Variants in ZC3H6 observed in about 807,000 individuals in gnomAD.
ZC3H6 encodes zinc finger CCCH domain-containing protein 6.
Under a neutral mutation model 107.7 loss-of-function variants are expected in ZC3H6, and 40 were observed. The ratio of observed to expected loss-of-function variants is 0.37; its 90% CI spans 0.29 to 0.48. ZC3H6 has a LOEUF of 0.48. ZC3H6 is among the 20% of genes least tolerant of loss of function. The pLI, the probability that ZC3H6 is intolerant of heterozygous loss-of-function variation, is 0.98. For missense variants in ZC3H6, 1,267 were observed against 1,410.4 expected (o/e 0.90, Z 1.63); for synonymous variants, 493 against 487.9 (o/e 1.01, Z -0.14).
intron 1 of ZC3H6, among the ~76,000 whole-genome samples, chr2:112,299,424 A>G (rs1242737472): frequency 6.6e-6 from 1 of 152,196 alleles, no homozygotes; most frequent in Non-Finnish European, 1.5e-5. Flanking sequence ...TCTATGAGCC[A>G]CTAAGTTAAA....
At chr2:112,307,130 T>C (rs1676491278) in intron 3 of ZC3H6, among the ~76,000 whole-genome samples, 1 of 152,208 alleles carries the variant, frequency 6.6e-6, no homozygotes, top group African/African-American at 2.4e-5. Context: ...ATTTCTTCCA[T>C]ATATATATTT....
At chr2:112,301,661 C>T (rs530225607) in intron 2 of ZC3H6, among the ~76,000 whole-genome samples, 1 of 152,030 alleles carries the variant, frequency 6.6e-6, no homozygotes, top group Non-Finnish European at 1.5e-5. Flanking sequence ...AAAAATTTAA[C>T]CTAATATTTT....
At position 112,338,889 on chromosome 2, in the gene ZC3H6, ATATATATATATATATATATAT is replaced by A. The variant is rs1677190610; in HGVS notation, c.*6402_*6422del. ...TATATATATATATATATATATATAT[ATATATATATATATATATATAT>A]ATAATTTTTTTTTTTTGAGACGGAG... is the stretch of plus-strand genomic sequence containing the variant. On this transcript the variant is annotated 3_prime_UTR_variant, in exon 12 of 12. Transcript: ENST00000409871. 5.0e-5 allele frequency: 1 copy of A among 20,132 alleles called. No individual in the cohort carries two copies. The highest frequency in any genetic ancestry group is 7.4e-5 in the Non-Finnish European group (1 of 13,564). 1.2% of individuals were successfully genotyped at this position (20,132 alleles called of 1,614,324 possible).
intron 1 of ZC3H6, among the ~76,000 whole-genome samples, chr2:112,291,987 G>A (rs949545072): frequency 2.1e-4 from 32 of 152,338 alleles, no homozygotes; most frequent in Non-Finnish European, 3.4e-4. Flanking sequence ...GAAGTGCTGC[G>A]ATTACAGGCG....
intron 1 of ZC3H6, among the ~76,000 whole-genome samples, chr2:112,298,555 A>G (rs1025716991): frequency 2.0e-5 from 3 of 152,228 alleles, no homozygotes; most frequent in Non-Finnish European, 4.4e-5. Context: ...CAGAAATCTC[A>G]CTCTTAAGTA....
At chr2:112,326,237 T>C (rs1206470878) in intron 11 of ZC3H6, among the ~76,000 whole-genome samples, 1 of 152,170 alleles carries the variant, frequency 6.6e-6, no homozygotes, top group Non-Finnish European at 1.5e-5. Flanking sequence ...CTTTTAGTTT[T>C]TTTTTAAATG....
rs1028564695 is a variant in ZC3H6 at position 112,275,919 on chromosome 2, G to C, written c.-76G>C. 4.4e-6 allele frequency: 6 copies of C among 1,351,572 alleles called. No individual in the cohort carries two copies. The African/African-American group carries it at 9.3e-5, about 21-fold the overall frequency. The allele number at this position is 1,351,572 out of a possible 1,614,324, so 83.7% of individuals were successfully genotyped here. ...GGGAGCAGGTTCCCGCAGGCGGCGC[G>C]GGGGGTCTTCCCCGCGCCCCGCCGC... On this transcript the variant is annotated 5_prime_UTR_variant, in exon 1 of 12. Transcript: ENST00000409871.
chr2:112,303,150 T>G, intron 2 of ZC3H6, 79 bp from the exon 3 acceptor site: 1 of 1,522,162 alleles, frequency 6.6e-7, no homozygotes, highest in South Asian at 1.3e-5. Flanking sequence ...TACCTCTGGC[T>G]GAAACAAGCT....
rs1157174486 is a variant in ZC3H6 at position 112,338,855 on chromosome 2, GTATATATATATATA to G, written c.*6412_*6425del. The G allele has an allele frequency of 0.018, 689 of 38,236 alleles. 22 individuals are homozygous for G. The highest frequency in any genetic ancestry group is 0.02 in the Non-Finnish European group (459 of 22,708). 2.4% of individuals were successfully genotyped at this position (38,236 alleles called of 1,614,324 possible). The stretch of plus-strand genomic sequence containing the variant: ...TATATATATATGTATGTATATGTGT[GTATATATATATATA>G]TATATATATATATATATATATATAT... On this transcript the variant is annotated 3_prime_UTR_variant, in exon 12 of 12. Coordinates refer to ENST00000409871, the MANE Select transcript of ZC3H6 (RefSeq NM_198581.3).
intron 11 of ZC3H6, among the ~76,000 whole-genome samples, chr2:112,326,554 T>C (rs1558957291): frequency 6.6e-6 from 1 of 152,234 alleles, no homozygotes; most frequent in African/African-American, 2.4e-5. Context: ...ATTCTTCTTA[T>C]GGCTGAATAG....
chr2:112,285,022 A>G (rs1686580856), intron 1 of ZC3H6, among the ~76,000 whole-genome samples: 1 of 152,220 alleles, frequency 6.6e-6, no homozygotes, highest in Non-Finnish European at 1.5e-5. Flanking sequence ...AACTGAATGC[A>G]ATTGAAATTA....
chr2:112,326,725 G>T (rs1676912187), intron 11 of ZC3H6, among the ~76,000 whole-genome samples: 1 of 152,100 alleles, frequency 6.6e-6, no homozygotes, highest in African/African-American at 2.4e-5. Context: ...CAATTCTCGT[G>T]CCTCTGCCTC....
chr2:112,299,276 CA>C (rs59319982), intron 1 of ZC3H6, among the ~76,000 whole-genome samples: 329 of 116,552 alleles, frequency 2.8e-3, no homozygotes, highest in Middle Eastern at 5.4e-3. Context: ...GACTCCATCT[CA>C]AAAAAAAAAA....
chr2:112,300,712 A>G (rs1558950102), intron 2 of ZC3H6, among the ~76,000 whole-genome samples: 1 of 152,172 alleles, frequency 6.6e-6, no homozygotes, highest in Non-Finnish European at 1.5e-5. Context: ...GCTGAGGGTT[A>G]TAGTAGTGAG....
chr2:112,287,608 A>T (rs544789025), intron 1 of ZC3H6, among the ~76,000 whole-genome samples: 21 of 150,318 alleles, frequency 1.4e-4, no homozygotes, highest in African/African-American at 4.4e-4. Flanking sequence ...TGGAAAAAAA[A>T]TTTTTTTTTT....
In ZC3H6 at chr2:112,317,203, T is replaced by TTC. The variant is rs760733585; in HGVS notation, c.865-17_865-16insCT. ...CTTACCTTTTTTTCTTTTTTCTTTTTTTTTTTTTTGTGAATAGGGAGATCA... is the reference window on the plus strand; with the variant it reads ...CTTACCTTTTTTTCTTTTTTCTTTTTTCTTTTTTTTTGTGAATAGGGAGATCA... On this transcript the variant is annotated splice_polypyrimidine_tract_variant and intron_variant, in intron 6 of 11. Transcript: ENST00000409871. 3 of 1,348,020 alleles carry TTC rather than the reference T, an allele frequency of 2.2e-6. No homozygotes were observed. The highest frequency in any genetic ancestry group is 1.7e-5 in the South Asian group (1 of 58,710). The allele number at this position is 1,348,020 out of a possible 1,614,324, so 83.5% of individuals were successfully genotyped here. A position where few individuals can be genotyped will look rare whatever the true frequency, so the allele number is the denominator to read the frequency against.
rs915001277 is a variant in ZC3H6, at chr2:112,337,084, C to G, written c.*4596C>G. 6.6e-6 allele frequency: 1 copy of G among 152,148 alleles called. No individual in the cohort carries two copies. Among genetic ancestry groups the G allele is most frequent in the Non-Finnish European group, 1.5e-5 (1 of 68,044 alleles). 9.4% of individuals were successfully genotyped at this position (152,148 alleles called of 1,614,324 possible). On this transcript the variant is annotated 3_prime_UTR_variant, in exon 12 of 12. Coordinates refer to ENST00000409871, the MANE Select transcript of ZC3H6 (RefSeq NM_198581.3). ...GGGTTATATCTCTTTTGGTAGACAG[C>G]CCACCTGCTCTTTTTTGTCCCCACC... is the stretch of plus-strand genomic sequence containing the variant.
chr2:112,317,198 C>CTTTTCTT, intron 6 of ZC3H6, 23 bp from the exon 7 acceptor site: 1 of 1,027,106 alleles, frequency 9.7e-7, no homozygotes, highest in East Asian at 3.4e-5. Context: ...TTTCTTTTTT[C>CTTTTCTT]TTTTTTTTTT....
At chr2:112,311,582 T>C (rs972530563) in intron 4 of ZC3H6, among the ~76,000 whole-genome samples, 1 of 152,180 alleles carries the variant, frequency 6.6e-6, no homozygotes, top group African/African-American at 2.4e-5. Context: ...TCTCTAGCCA[T>C]GTGTATCCTT....
Sources: gnomAD v4.1 joint callset for allele counts (sites outside exome capture counted in the v4.1 genomes callset) on GRCh38, gnomAD v4.1.1 for gene constraint, MANE v1.5 for transcripts, NCBI Gene and HGNC (gene_info 2026-07-23, HGNC 2026-07-21) for gene names.